Variants in VAT1L observed in about 807,000 individuals in gnomAD.
VAT1L encodes vesicle amine transport 1 like.
A neutral mutation model predicts 44.1 loss-of-function variants in VAT1L; 34 were observed. The observed-to-expected ratio is 0.77, with a 90% CI of 0.59 to 1.03. The LOEUF (loss-of-function observed/expected upper bound fraction) is 1.03. Ranked by LOEUF, VAT1L falls within the 50% of genes least tolerant of loss-of-function variation. The probability of loss-of-function intolerance (pLI) is 0.00; values close to 1 mark genes in which losing one functional copy is unlikely to be tolerated. For missense variants in VAT1L, 615 were observed against 538.8 expected (o/e 1.14, Z -1.40); for synonymous variants, 253 against 202.2 (o/e 1.25, Z -2.13).
chr16:77,891,497 G>C (rs190005249), intron 7 of VAT1L, among the ~76,000 whole-genome samples: 181 of 152,256 alleles, frequency 1.2e-3, no homozygotes, highest in African/African-American at 4.1e-3. Flanking sequence ...ATCCTTTTTT[G>C]GGGAGGTAGG....
intron 7 of VAT1L, among the ~76,000 whole-genome samples, chr16:77,946,370 G>A (rs1028009920): frequency 4.6e-5 from 6 of 129,444 alleles, no homozygotes; most frequent in South Asian, 2.7e-4. Context: ...TGCAAGTTCC[G>A]CCTCCCAGGT....
intron 3 of VAT1L, among the ~76,000 whole-genome samples, chr16:77,845,758 C>T (rs1418448505): frequency 6.6e-6 from 1 of 152,314 alleles, no homozygotes; most frequent in East Asian, 1.9e-4. Flanking sequence ...CTCTGCCTGG[C>T]AAGTTTCTAT....
intron 1 of VAT1L, among the ~76,000 whole-genome samples, chr16:77,814,428 G>T (rs1328206802): frequency 6.6e-6 from 1 of 152,192 alleles, no homozygotes; most frequent in African/African-American, 2.4e-5. Context: ...TGAAAAGTCA[G>T]TGTTAGCCTC....
chr16:77,928,220 A>T (rs917869464), intron 7 of VAT1L, among the ~76,000 whole-genome samples: 2 of 152,200 alleles, frequency 1.3e-5, no homozygotes, highest in Non-Finnish European at 2.9e-5. Context: ...TGACCTGAGA[A>T]GTCCCAGGGA....
chr16:77,859,479 C>T (rs963809160), intron 3 of VAT1L, among the ~76,000 whole-genome samples: 4 of 152,100 alleles, frequency 2.6e-5, no homozygotes, highest in African/African-American at 9.7e-5. Flanking sequence ...TAATAGGGGC[C>T]AGTCTAGTGT....
At chr16:77,959,955 C>T (rs1428178229) in intron 7 of VAT1L, among the ~76,000 whole-genome samples, 2 of 152,078 alleles carry the variant, frequency 1.3e-5, no homozygotes, top group South Asian at 2.1e-4. Context: ...TCTCCTGTCA[C>T]ATTCCACTTC....
intron 7 of VAT1L, among the ~76,000 whole-genome samples, chr16:77,913,346 CTTT>C (rs141237139): frequency 6.6e-6 from 1 of 151,994 alleles, no homozygotes; most frequent in African/African-American, 2.4e-5. Context: ...GTTGTCTATG[CTTT>C]TTGTCTCTAA....
At chr16:77,902,972 G>GAAAAAAAAAAAAAAAAAAAAAAAA (rs11307214) in intron 7 of VAT1L, among the ~76,000 whole-genome samples, 1 of 96,388 alleles carries the variant, frequency 1.0e-5, no homozygotes, top group East Asian at 2.7e-4. Context: ...GACTCTGTCT[G>GAAAAAAAAAAAAAAAAAAAAAAAA]AAAAAAAAAA....
chr16:77,865,100 A>G (rs2142444844), intron 4 of VAT1L, among the ~76,000 whole-genome samples: 1 of 150,704 alleles, frequency 6.6e-6, no homozygotes, highest in East Asian at 2.0e-4. Flanking sequence ...CAGCCTCCCG[A>G]GTAGCTGGGA....
intron 7 of VAT1L, among the ~76,000 whole-genome samples, chr16:77,953,377 G>C (rs553350734): frequency 1.4e-4 from 22 of 152,258 alleles, no homozygotes; most frequent in Non-Finnish European, 2.5e-4. Flanking sequence ...TGAAAAGAAT[G>C]ATTAGTTTAG....
intron 3 of VAT1L, among the ~76,000 whole-genome samples, chr16:77,857,460 A>G (rs190749345): frequency 9.2e-5 from 14 of 152,254 alleles, no homozygotes; most frequent in African/African-American, 3.1e-4. Context: ...TTTATTGAAA[A>G]TGTTACCAGG....
chr16:77,931,783 C>G (rs941632819), intron 7 of VAT1L, among the ~76,000 whole-genome samples: 1 of 152,150 alleles, frequency 6.6e-6, no homozygotes, highest in East Asian at 1.9e-4. Flanking sequence ...TTACTAAATG[C>G]TAGCACATGC....
At chr16:77,962,739 A>AGAAGGAAGGAAG (rs200754303) in intron 7 of VAT1L, among the ~76,000 whole-genome samples, 17,398 of 129,264 alleles carry the variant, frequency 0.13, 1,406 homozygotes, top group South Asian at 0.19. Flanking sequence ...AAAGAAGGAA[A>AGAAGGAAGGAAG]GAAGGAAGGA....
At chr16:77,886,046 G>A (rs1289651593) in intron 7 of VAT1L, among the ~76,000 whole-genome samples, 1 of 152,116 alleles carries the variant, frequency 6.6e-6, no homozygotes, top group Non-Finnish European at 1.5e-5. Context: ...AACATAAGGA[G>A]AAAATAAACT....
At chr16:77,896,967 C>G (rs1047845214) in intron 7 of VAT1L, among the ~76,000 whole-genome samples, 4 of 152,204 alleles carry the variant, frequency 2.6e-5, no homozygotes, top group African/African-American at 9.6e-5. Context: ...TTTCCAAAGA[C>G]TGGAAAGTTT....
intron 3 of VAT1L, among the ~76,000 whole-genome samples, chr16:77,829,734 G>C (rs914057784): frequency 2.6e-5 from 4 of 152,166 alleles, no homozygotes; most frequent in Non-Finnish European, 5.9e-5. Context: ...AATGAGCCTT[G>C]TTGATAAAGC....
chr16:77,893,365 C>A (rs1372840122), intron 7 of VAT1L, among the ~76,000 whole-genome samples: 1 of 152,176 alleles, frequency 6.6e-6, no homozygotes. Flanking sequence ...TCAGCAATGA[C>A]CAAGGGTCTT....
At chr16:77,939,848 G>C (rs1334867081) in intron 7 of VAT1L, among the ~76,000 whole-genome samples, 1 of 152,178 alleles carries the variant, frequency 6.6e-6, no homozygotes, top group Non-Finnish European at 1.5e-5. Context: ...ATTTAGCAGG[G>C]CTAGCACTAA....
At chr16:77,951,029 C>T (rs764361866) in intron 7 of VAT1L, among the ~76,000 whole-genome samples, 7 of 152,190 alleles carry the variant, frequency 4.6e-5, no homozygotes, top group Non-Finnish European at 8.8e-5. Context: ...GGAGAAAAGA[C>T]ACAGCAGCGC....
Sources: allele counts gnomAD v4.1 joint callset (sites outside exome capture counted in the v4.1 genomes callset), GRCh38; gene constraint gnomAD v4.1.1; transcripts MANE v1.5; gene names NCBI Gene and HGNC (gene_info 2026-07-23, HGNC 2026-07-21).